GRM8: variants seen among roughly 807,000 people sequenced by gnomAD.
GRM8 encodes the protein glutamate metabotropic receptor 8.
GRM8 carries 47 observed loss-of-function variants against 87.2 expected under a neutral mutation model. That is an observed-to-expected ratio of 0.54 (90% confidence interval 0.43 to 0.69). The LOEUF (loss-of-function observed/expected upper bound fraction) is 0.69. Among genes scored for constraint, GRM8 ranks in the 30% least tolerant of loss-of-function variants. The pLI is 0.00. For missense variants in GRM8, 1,019 were observed against 1,139.2 expected, an observed-to-expected ratio of 0.89 and a Z score of 1.52; for synonymous variants, 396 against 404.5, an observed-to-expected ratio of 0.98 and a Z score of 0.25.
chr7:126,938,666 T>C (rs1020430027), intron 3 of GRM8, among the ~76,000 whole-genome samples: 1 of 152,168 alleles, frequency 6.6e-6, no homozygotes, highest in African/African-American at 2.4e-5. Flanking sequence ...ACACTTTATC[T>C]TAAAAAAAGA....
chr7:126,613,419 G>T (rs1799119322), intron 7 of GRM8, among the ~76,000 whole-genome samples: 1 of 152,130 alleles, frequency 6.6e-6, no homozygotes, highest in African/African-American at 2.4e-5. Context: ...GGCCAAATAA[G>T]AACAGCTCCA....
intron 6 of GRM8, among the ~76,000 whole-genome samples, chr7:126,796,181 G>T (rs1018876972): frequency 1.3e-5 from 2 of 151,980 alleles, no homozygotes; most frequent in Non-Finnish European, 2.9e-5. Context: ...TAATTAATAT[G>T]AGAAAAGTAC....
chr7:126,741,076 T>C (rs1438824102), intron 7 of GRM8, among the ~76,000 whole-genome samples: 2 of 152,124 alleles, frequency 1.3e-5, no homozygotes. Flanking sequence ...TAATACTTGC[T>C]TATATGGCTG....
At chr7:126,474,995 C>T (rs1210396855) in intron 9 of GRM8, among the ~76,000 whole-genome samples, 1 of 151,944 alleles carries the variant, frequency 6.6e-6, no homozygotes, top group Non-Finnish European at 1.5e-5. Context: ...ATAACAAATG[C>T]CATATATAAC....
intron 3 of GRM8, among the ~76,000 whole-genome samples, chr7:127,063,137 T>C (rs1290419374): frequency 3.3e-5 from 5 of 150,912 alleles, no homozygotes; most frequent in Non-Finnish European, 7.4e-5. Context: ...CCTGTAGTCC[T>C]GGCTACTCAG....
chr7:126,675,164 A>G (rs758204447), intron 7 of GRM8, among the ~76,000 whole-genome samples: 3 of 152,218 alleles, frequency 2.0e-5, no homozygotes, highest in Non-Finnish European at 4.4e-5. Context: ...ACCAAACATT[A>G]GCAACATTTA....
intron 9 of GRM8, among the ~76,000 whole-genome samples, chr7:126,509,514 C>G (rs921329245): frequency 6.6e-6 from 1 of 151,948 alleles, no homozygotes; most frequent in Non-Finnish European, 1.5e-5. Flanking sequence ...GTAGAAAGCA[C>G]ATTAAAACAA....
At chr7:126,514,807 A>G (rs1337160567) in intron 9 of GRM8, among the ~76,000 whole-genome samples, 1 of 152,014 alleles carries the variant, frequency 6.6e-6, no homozygotes, top group African/African-American at 2.4e-5. Context: ...AAAATTCTAA[A>G]TATTATTTGG....
At chr7:127,164,948 G>A (rs749507193) in intron 2 of GRM8, among the ~76,000 whole-genome samples, 17 of 151,588 alleles carry the variant, frequency 1.1e-4, no homozygotes, top group Non-Finnish European at 2.1e-4. Flanking sequence ...TATCAGTATT[G>A]AATGAGTCTG....
rs17866352 is a variant in GRM8, at chr7:127,216,842, T to G, written c.510+25853A>C. Among the ~76,000 whole-genome samples the G allele has an allele frequency of 5.9e-3, 891 of 152,282 alleles. 7 individuals carry two copies. Among genetic ancestry groups the G allele is most frequent in the African/African-American group, 0.019 (808 of 41,566 alleles). Reference sequence around the variant, plus strand: ...TTCCTCCCACCTAGAATATTCTTAGTTCTTTACATGGGTCCCACTTCTCAT... The same window carrying G: ...TTCCTCCCACCTAGAATATTCTTAGGTCTTTACATGGGTCCCACTTCTCAT... On this transcript the variant is annotated intron_variant, in intron 2 of 10. Coordinates refer to ENST00000339582, the MANE Select transcript of GRM8 (RefSeq NM_000845.3).
At chr7:126,562,930 C>T (rs1427562445) in intron 8 of GRM8, among the ~76,000 whole-genome samples, 1 of 152,136 alleles carries the variant, frequency 6.6e-6, no homozygotes, top group Non-Finnish European at 1.5e-5. Flanking sequence ...TTTAAATAAA[C>T]AAGCTCTAAA....
At chr7:127,051,889 A>G (rs980823935) in intron 3 of GRM8, among the ~76,000 whole-genome samples, 7 of 150,514 alleles carry the variant, frequency 4.7e-5, no homozygotes, top group African/African-American at 1.7e-4. Flanking sequence ...CATGCATAAG[A>G]ATGATACATA....
intron 3 of GRM8, among the ~76,000 whole-genome samples, chr7:127,041,186 G>A (rs1314355779): frequency 1.3e-5 from 2 of 152,150 alleles, no homozygotes; most frequent in Non-Finnish European, 2.9e-5. Context: ...CTGAATCAAG[G>A]GCCAGTCCCA....
At chr7:127,128,579 C>A (rs145863051) in intron 2 of GRM8, among the ~76,000 whole-genome samples, 29 of 152,206 alleles carry the variant, frequency 1.9e-4, no homozygotes, top group Non-Finnish European at 4.0e-4. Context: ...TGTAAACTTT[C>A]CAAGCACTTT....
intron 3 of GRM8, among the ~76,000 whole-genome samples, chr7:127,036,312 C>T (rs7778308): frequency 0.4 from 60,715 of 151,912 alleles, 13,875 homozygotes; most frequent in African/African-American, 0.62. Flanking sequence ...TCTTTCTGTT[C>T]AGTCGCATAT....
At chr7:126,697,088 C>T (rs1327717416) in intron 7 of GRM8, among the ~76,000 whole-genome samples, 4 of 149,848 alleles carry the variant, frequency 2.7e-5, no homozygotes, top group Non-Finnish European at 4.4e-5. Flanking sequence ...ATGGACAAAC[C>T]TGGAAGACAT....
At chr7:126,792,667 T>G (rs1232000348) in intron 6 of GRM8, among the ~76,000 whole-genome samples, 2 of 152,196 alleles carry the variant, frequency 1.3e-5, no homozygotes, top group Non-Finnish European at 2.9e-5. Context: ...AATAAAGCCA[T>G]TGTTTTTCCA....
chr7:126,817,374 A>G (rs187218134), intron 6 of GRM8, among the ~76,000 whole-genome samples: 423 of 152,240 alleles, frequency 2.8e-3, no homozygotes, highest in Non-Finnish European at 4.9e-3. Flanking sequence ...CTTCTAGTAC[A>G]GTGAAGGAAT....
chr7:126,877,929 C>A (rs759887654), intron 6 of GRM8, among the ~76,000 whole-genome samples: 21 of 152,150 alleles, frequency 1.4e-4, no homozygotes, highest in Non-Finnish European at 2.9e-4. Context: ...CCTCATAACT[C>A]CCCTGTGAAA....
Sources: allele counts gnomAD v4.1 joint callset (sites outside exome capture counted in the v4.1 genomes callset), GRCh38; gene constraint gnomAD v4.1.1; transcripts MANE v1.5; gene names NCBI Gene and HGNC (gene_info 2026-07-23, HGNC 2026-07-21).